FEM1A: variants seen among roughly 807,000 people sequenced by gnomAD.
FEM1A encodes protein fem-1 homolog A.
Under a neutral mutation model 0.7 loss-of-function variants are expected in FEM1A, and 1 was observed. That is an observed-to-expected ratio of 1.35 (90% confidence interval 0.48 to 6.40). The LOEUF is 6.40. Ranked by LOEUF, FEM1A falls within the 30% of genes most tolerant of loss-of-function variation. The pLI is 0.14. For missense variants in FEM1A, 721 were observed against 918.7 expected, an observed-to-expected ratio of 0.78 and a Z score of 2.78; for synonymous variants, 391 against 420.6, an observed-to-expected ratio of 0.93 and a Z score of 0.86.
At position 4,794,474 on chromosome 19, in the gene FEM1A, T is replaced by G. The variant is rs1375714205; in HGVS notation, c.*610T>G. On this transcript the variant is annotated 3_prime_UTR_variant, in exon 1 of 1. Transcript: ENST00000269856. Reference sequence around the variant, plus strand: ...GCATAGCTTTCGGTTGGTTTGGTGTTCTGTTTATTTAATAAGTGGGCAGGT... The same window carrying G: ...GCATAGCTTTCGGTTGGTTTGGTGTGCTGTTTATTTAATAAGTGGGCAGGT... 1 of 167,144 alleles carries G rather than the reference T, an allele frequency of 6.0e-6. No individual in the cohort carries two copies. The highest frequency in any genetic ancestry group is 2.4e-5 in the African/African-American group (1 of 41,400). The allele number at this position is 167,144 out of a possible 1,614,324, so 10.4% of individuals were successfully genotyped here. A position where few individuals can be genotyped will look rare whatever the true frequency, so the allele number is the denominator to read the frequency against.
chr19:4,793,788 G>C lies in FEM1A; in HGVS notation c.1934G>C (p.Arg645Pro). ...GTGACCCTGCAGTGCCTTGCGGCCC[G>C]GGCCCTGGATAAGAACAAGATCCCT... ...NYVTLQCLAA[R>P]ALDKNKIPYK... Residue 645 changes from arginine (R) to proline (P), a missense_variant, in exon 1 of 1, where the codon CGG becomes CCG. Arg to Pro is a moderately radical substitution (Grantham distance 103). This residue lies in a region of FEM1A where 379 missense variants were observed against 454.8 expected (regional missense o/e 0.83). Coordinates refer to ENST00000269856, the MANE Select transcript of FEM1A (RefSeq NM_018708.3). This position sits in a 1 kb window ranked among gnomAD's most constrained non-coding sequence, Gnocchi z 5.1. The C allele has an allele frequency of 6.2e-7, 1 of 1,610,928 alleles. No homozygotes were observed. The highest frequency in any genetic ancestry group is 8.5e-7 in the Non-Finnish European group (1 of 1,179,464).
At position 4,799,935 on chromosome 19, in the gene FEM1A, G is replaced by GAAAAAAAA. The variant is rs2093566551; in HGVS notation, c.*6071_*6072insAAAAAAAA. 5.5e-5 allele frequency: 3 copies of GAAAAAAAA among 54,266 alleles called. No individual in the cohort carries two copies. Among genetic ancestry groups the GAAAAAAAA allele is most frequent in the African/African-American group, 1.8e-4 (3 of 16,660 alleles). The allele number at this position is 54,266 out of a possible 1,614,324, so 3.4% of individuals were successfully genotyped here. On this transcript the variant is annotated 3_prime_UTR_variant, in exon 1 of 1. Transcript: ENST00000269856. Reference sequence around the variant, plus strand: ...AAAAAAAAAAAAAAAAAAAAAAAATGGGGCCATCAATGCCATGGAGGGTAG... The same window carrying GAAAAAAAA: ...AAAAAAAAAAAAAAAAAAAAAAAATGAAAAAAAAGGGCCATCAATGCCATGGAGGGTAG...
Position 4,792,987 on chromosome 19 carries a change from G to C in FEM1A, c.1133G>C (p.Arg378Pro). ...DEMRMQALLI[R>P]ERILGPSHPD... is the part of the protein sequence containing the mutation. ...ATGCGCATGCAGGCCCTGTTGATCC[G>C]GGAGCGCATCCTCGGTCCCTCGCAC... Residue 378 changes from arginine (R) to proline (P), a missense_variant, in exon 1 of 1, where the codon CGG becomes CCG. Around this residue, in one of 4 missense-constraint regions of FEM1A, gnomAD observed 379 missense variants for 454.8 expected, o/e 0.83. Transcript: ENST00000269856. The surrounding 1 kb of genome is among the most constrained non-coding windows in gnomAD (Gnocchi z 6.7). The C allele has an allele frequency of 6.2e-7, 1 of 1,612,972 alleles. No individual in the cohort carries two copies.
rs1454237244 is a variant in FEM1A, at chr19:4,798,792, G to C, written c.*4928G>C. The C allele has an allele frequency of 3.3e-5, 5 of 152,120 alleles. No homozygotes were observed. In the South Asian group the frequency reaches 8.3e-4, roughly 25 times the overall value. 9.4% of individuals were successfully genotyped at this position (152,120 alleles called of 1,614,324 possible). On this transcript the variant is annotated 3_prime_UTR_variant, in exon 1 of 1. Transcript: ENST00000269856. Reference sequence around the variant, plus strand: ...TTTGGCACAAGCTCTCCCATCCCTGGGGCAGGTGGCCATCCTGCCTCCGCA... The same window carrying C: ...TTTGGCACAAGCTCTCCCATCCCTGCGGCAGGTGGCCATCCTGCCTCCGCA...
In FEM1A at chr19:4,793,352, CACCTGCTCT is replaced by C; in HGVS notation, c.1506_1514del (p.Tyr503_Leu505del). On this transcript the variant is annotated inframe_deletion, in exon 1 of 1. Transcript: ENST00000269856. This position sits in a 1 kb window ranked among gnomAD's most constrained non-coding sequence, Gnocchi z 5.1. ...CACCAAGGCGCTGGCCATCATCCTC[CACCTGCTCT>C]ACCTGCTGGAGAAAGTGGAGTGCAC... The C allele has an allele frequency of 6.2e-7, 1 of 1,612,480 alleles. No individual in the cohort carries two copies. Among genetic ancestry groups the C allele is most frequent in the Non-Finnish European group, 8.5e-7 (1 of 1,179,856 alleles).
chr19:4,794,176 A>T lies in FEM1A; in HGVS notation c.*312A>T, dbSNP rs2093558307. 2.7e-6 allele frequency: 1 copy of T among 367,126 alleles called. No homozygotes were observed. Among genetic ancestry groups the T allele is most frequent in the Non-Finnish European group, 5.3e-6 (1 of 187,924 alleles). The allele number at this position is 367,126 out of a possible 1,614,324, so 22.7% of individuals were successfully genotyped here. A position where few individuals can be genotyped will look rare whatever the true frequency, so the allele number is the denominator to read the frequency against. On this transcript the variant is annotated 3_prime_UTR_variant, in exon 1 of 1. Coordinates refer to ENST00000269856, the MANE Select transcript of FEM1A (RefSeq NM_018708.3). ...GGGTTAGGGAGGCCTTTGCCTTGTTACCTAGAGGCGGAGGGACTGAAGCCA... is the reference window on the plus strand; with the variant it reads ...GGGTTAGGGAGGCCTTTGCCTTGTTTCCTAGAGGCGGAGGGACTGAAGCCA...
chr19:4,794,898 T>C lies in FEM1A; in HGVS notation c.*1034T>C, dbSNP rs1434411419. 6.1e-6 allele frequency: 1 copy of C among 163,492 alleles called. No individual in the cohort carries two copies. The highest frequency in any genetic ancestry group is 1.5e-5 in the Non-Finnish European group (1 of 67,522). The allele number at this position is 163,492 out of a possible 1,614,324, so 10.1% of individuals were successfully genotyped here. On this transcript the variant is annotated 3_prime_UTR_variant, in exon 1 of 1. Transcript: ENST00000269856. ...CAATTGGTTTGGGTCTGCATTGCCATAGTGCCCGAGTTAAAACTGCAGGCC... is the reference window on the plus strand; with the variant it reads ...CAATTGGTTTGGGTCTGCATTGCCACAGTGCCCGAGTTAAAACTGCAGGCC...
rs1239303027 is a variant in FEM1A at position 4,796,911 on chromosome 19, G to A, written c.*3047G>A. 6.6e-6 allele frequency: 1 copy of A among 152,198 alleles called. No homozygotes were observed. 9.4% of individuals were successfully genotyped at this position (152,198 alleles called of 1,614,324 possible). ...GGTGACAGCTGTTGGGCTGTTGTAT[G>A]CCTGTTTGGTGTTGCATCAAAGGAG... On this transcript the variant is annotated 3_prime_UTR_variant, in exon 1 of 1. Coordinates refer to ENST00000269856, the MANE Select transcript of FEM1A (RefSeq NM_018708.3).
In FEM1A at chr19:4,793,441, G is replaced by A. The variant is rs761432604; in HGVS notation, c.1587G>A (p.Ala529=). 5.0e-6 allele frequency: 8 copies of A among 1,612,296 alleles called. No individual in the cohort carries two copies. Among genetic ancestry groups the A allele is most frequent in the Non-Finnish European group, 6.8e-6 (8 of 1,179,858 alleles). ...HQTVYRLLKC[A]PRGKNGFTPL... ...CCGTCTACCGCCTGCTCAAGTGCGC[G>A]CCCAGGGGCAAGAACGGCTTCACCC... The change falls in exon 1 of 1, where the codon GCG becomes GCA. Residue 529 remains alanine (A), a synonymous_variant. Coordinates refer to ENST00000269856, the MANE Select transcript of FEM1A (RefSeq NM_018708.3). This position sits in a 1 kb window ranked among gnomAD's most constrained non-coding sequence, Gnocchi z 5.1.
In FEM1A at chr19:4,795,444, C is replaced by T. The variant is rs1041396621; in HGVS notation, c.*1580C>T. On this transcript the variant is annotated 3_prime_UTR_variant, in exon 1 of 1. Transcript: ENST00000269856. ...TTTACAAGACAGGTTTTAACTCAGC[C>T]GAGGTGGGAAATGGTGTCCCTGTCC... 6.0e-6 allele frequency: 1 copy of T among 165,972 alleles called. No homozygotes were observed. Among genetic ancestry groups the T allele is most frequent in the Non-Finnish European group, 1.5e-5 (1 of 67,974 alleles). The allele number at this position is 165,972 out of a possible 1,614,324, so 10.3% of individuals were successfully genotyped here.
Position 4,794,107 on chromosome 19 carries a change from G to C in FEM1A, c.*243G>C, listed in dbSNP as rs1203781672. On this transcript the variant is annotated 3_prime_UTR_variant, in exon 1 of 1. Transcript: ENST00000269856. ...CTCCGGGAGCCCGCTCACTCATTCT[G>C]AGTTAGGAAAAGACACAAGACCTTC... 3 of 525,338 alleles carry C rather than the reference G, an allele frequency of 5.7e-6. No homozygotes were observed. Among genetic ancestry groups the C allele is most frequent in the Non-Finnish European group, 7.0e-6 (2 of 284,180 alleles). The allele number at this position is 525,338 out of a possible 1,614,324, so 32.5% of individuals were successfully genotyped here.
chr19:4,793,103 C>T lies in FEM1A; in HGVS notation c.1249C>T (p.Leu417=), dbSNP rs2093556629. 6.2e-7 allele frequency: 1 copy of T among 1,613,532 alleles called. No individual in the cohort carries two copies. Among genetic ancestry groups the T allele is most frequent in the Non-Finnish European group, 8.5e-7 (1 of 1,180,026 alleles). The stretch of plus-strand genomic sequence containing the variant: ...CTGCATCCGCTTGTGGAAGTACGCC[C>T]TGGACATGCAACAGAGCAACCTGGA... ...ERCIRLWKYA[L]DMQQSNLEPL... Residue 417 remains leucine, a synonymous_variant, in exon 1 of 1, where the codon CTG becomes TTG. Coordinates refer to ENST00000269856, the MANE Select transcript of FEM1A (RefSeq NM_018708.3). This position sits in a 1 kb window ranked among gnomAD's most constrained non-coding sequence, Gnocchi z 5.1.
Position 4,796,332 on chromosome 19 carries a change from C to G in FEM1A, c.*2468C>G, listed in dbSNP as rs1489200889. On this transcript the variant is annotated 3_prime_UTR_variant, in exon 1 of 1. Transcript: ENST00000269856. ...TCAGCCTCCTGAGCATCTGGGACTACAGGCATACACCACCATGCCTGGCTA... is the reference window on the plus strand; with the variant it reads ...TCAGCCTCCTGAGCATCTGGGACTAGAGGCATACACCACCATGCCTGGCTA... 6.6e-6 allele frequency: 1 copy of G among 151,996 alleles called. No individual in the cohort carries two copies. The highest frequency in any genetic ancestry group is 2.1e-4 in the South Asian group (1 of 4,820). The allele number at this position is 151,996 out of a possible 1,614,324, so 9.4% of individuals were successfully genotyped here.
chr19:4,792,332 A>G lies in FEM1A; in HGVS notation c.478A>G (p.Lys160Glu). Residue 160 changes from lysine to glutamate, a missense_variant, in exon 1 of 1, where the codon AAG becomes GAG. Physicochemically the swap from Lys to Glu is moderately conservative, Grantham distance 56 (BLOSUM62 1). This residue lies in a region of FEM1A where 195 missense variants were observed against 316.9 expected (regional missense o/e 0.62). Transcript: ENST00000269856. This position sits in a 1 kb window ranked among gnomAD's most constrained non-coding sequence, Gnocchi z 6.7. The stretch of plus-strand genomic sequence containing the variant: ...CACGTGCCTCATGATCTCGTGCTAC[A>G]AGGGCCACCGTGAGATCGCCCGCTA... ...GHTCLMISCYKGHREIARYLL... is the reference protein window; with the variant it reads ...GHTCLMISCYEGHREIARYLL... 1 of 1,593,938 alleles carries G rather than the reference A, an allele frequency of 6.3e-7. No homozygotes were observed. Among genetic ancestry groups the G allele is most frequent in the Non-Finnish European group, 8.5e-7 (1 of 1,178,616 alleles).
rs2093566457 is a variant in FEM1A, at chr19:4,799,919, A to AAAAAAAAAAAAAAAAAG, written c.*6069_*6070insAAGAAAAAAAAAAAAAA. The AAAAAAAAAAAAAAAAAG allele has an allele frequency of 6.9e-6, 1 of 144,794 alleles. No homozygotes were observed. Among genetic ancestry groups the AAAAAAAAAAAAAAAAAG allele is most frequent in the Admixed American group, 7.0e-5 (1 of 14,294 alleles). The allele number at this position is 144,794 out of a possible 1,614,324, so 9.0% of individuals were successfully genotyped here. A position where few individuals can be genotyped will look rare whatever the true frequency, so the allele number is the denominator to read the frequency against. ...GACTCTGTCTCAAAAAAAAAAAAAA[A>AAAAAAAAAAAAAAAAAG]AAAAAAAAAAAAAATGGGGCCATCA... On this transcript the variant is annotated 3_prime_UTR_variant, in exon 1 of 1. Transcript: ENST00000269856.
rs935116551 is a variant in FEM1A at position 4,791,776 on chromosome 19, C to T, written c.-79C>T. ...GCGGCGAGGGGGACGGTGAAGGTTG[C>T]CTCCCGCCCGTCCGGGCTCTGATCC... On this transcript the variant is annotated 5_prime_UTR_variant, in exon 1 of 1. Coordinates refer to ENST00000269856, the MANE Select transcript of FEM1A (RefSeq NM_018708.3). 34 of 1,356,338 alleles carry T rather than the reference C, an allele frequency of 2.5e-5. No homozygotes were observed. The Admixed American group carries it at 4.6e-4, about 18-fold the overall frequency. The allele number at this position is 1,356,338 out of a possible 1,614,324, so 84.0% of individuals were successfully genotyped here. A position where few individuals can be genotyped will look rare whatever the true frequency, so the allele number is the denominator to read the frequency against.
Position 4,792,864 on chromosome 19 carries a change from C to G in FEM1A, c.1010C>G (p.Pro337Arg), listed in dbSNP as rs2093556269. 12 of 1,612,106 alleles carry G rather than the reference C, an allele frequency of 7.4e-6. No homozygotes were observed. The highest frequency in any genetic ancestry group is 4.4e-5 in the South Asian group (4 of 91,004). The part of the protein sequence containing the change: ...ELRHQGGEYL[P>R]KPEPPQLVLA... ...CGTCACCAGGGGGGCGAGTACCTGC[C>G]CAAACCGGAGCCCCCACAGCTGGTC... Residue 337 changes from proline to arginine, a missense_variant, in exon 1 of 1, where the codon CCC becomes CGC. Coordinates refer to ENST00000269856, the MANE Select transcript of FEM1A (RefSeq NM_018708.3). This position sits in a 1 kb window ranked among gnomAD's most constrained non-coding sequence, Gnocchi z 6.7.
At position 4,792,244 on chromosome 19, in the gene FEM1A, G is replaced by A. The variant is rs2146148327; in HGVS notation, c.390G>A (p.Glu130=). The change falls in exon 1 of 1, where the codon GAG becomes GAA. Residue 130 remains glutamate (E), a synonymous_variant. Coordinates refer to ENST00000269856, the MANE Select transcript of FEM1A (RefSeq NM_018708.3). The surrounding 1 kb of genome is among the most constrained non-coding windows in gnomAD (Gnocchi z 6.7). ...LRAACFDGHL[E]VVRYLVGEHQ... The stretch of plus-strand genomic sequence containing the variant: ...CCGCCTGCTTCGACGGCCACCTGGA[G>A]GTGGTGCGCTACCTGGTCGGCGAGC... 6.5e-7 allele frequency: 1 copy of A among 1,527,770 alleles called. No individual in the cohort carries two copies. The highest frequency in any genetic ancestry group is 2.4e-5 in the East Asian group (1 of 41,758). 94.6% of individuals were successfully genotyped at this position (1,527,770 alleles called of 1,614,324 possible). A position where few individuals can be genotyped will look rare whatever the true frequency, so the allele number is the denominator to read the frequency against.
In FEM1A at chr19:4,799,215, C is replaced by A. The variant is rs898072260; in HGVS notation, c.*5351C>A. 1.3e-5 allele frequency: 2 copies of A among 151,990 alleles called. No homozygotes were observed. Among genetic ancestry groups the A allele is most frequent in the African/African-American group, 2.4e-5 (1 of 41,364 alleles). 9.4% of individuals were successfully genotyped at this position (151,990 alleles called of 1,614,324 possible). ...GGATCACGAGGTCAGGAGTTCGAGACCAGCCTGGTCAACATGGTGAAACCC... is the reference window on the plus strand; with the variant it reads ...GGATCACGAGGTCAGGAGTTCGAGAACAGCCTGGTCAACATGGTGAAACCC... On this transcript the variant is annotated 3_prime_UTR_variant, in exon 1 of 1. Coordinates refer to ENST00000269856, the MANE Select transcript of FEM1A (RefSeq NM_018708.3).
Sources: allele counts gnomAD v4.1 joint callset, GRCh38; gene constraint gnomAD v4.1.1; regional missense constraint gnomAD v4.1.1; non-coding constraint Gnocchi (gnomAD v3.1); transcripts MANE v1.5; gene names NCBI Gene and HGNC (gene_info 2026-07-23, HGNC 2026-07-21).